STK32B: variants seen among roughly 807,000 people sequenced by gnomAD.
The protein encoded by STK32B is serine/threonine kinase 32B, also known as serine/threonine-protein kinase 32B.
Under a neutral mutation model 52.6 loss-of-function variants are expected in STK32B, and 43 were observed. The ratio of observed to expected loss-of-function variants is 0.82; its 90% confidence interval spans 0.64 to 1.05. STK32B has a LOEUF of 1.05. Among genes scored for constraint, STK32B ranks in the 50% least tolerant of loss-of-function variants. The pLI is 0.00. For synonymous variants in STK32B, 238 were observed against 204.3 expected (o/e 1.17, Z -1.41); for missense variants, 621 against 534.6 (o/e 1.16, Z -1.59).
At position 5,395,748 on chromosome 4, in the gene STK32B, C is replaced by CAAA. The variant is rs1736847215; in HGVS notation, c.435-2458_435-2456dup. On this transcript the variant is annotated intron_variant, in intron 4 of 11. Coordinates refer to ENST00000282908, the MANE Select transcript of STK32B (RefSeq NM_018401.3). This position sits in a 1 kb window ranked among gnomAD's most constrained non-coding sequence, Gnocchi z 4.4. ...TGTATCAGGTATTTAATCCACACAG[C>CAAA]AAAGGAAACTGAAGCAGAGGCAGAG... 6.6e-6 allele frequency among the ~76,000 whole-genome samples: 1 copy of CAAA among 152,194 alleles called. No homozygotes were observed. Among genetic ancestry groups the CAAA allele is most frequent in the Non-Finnish European group, 1.5e-5 (1 of 68,036 alleles).
At chr4:5,416,530 G>A (rs146849675) in intron 5 of STK32B, among the ~76,000 whole-genome samples, 11 of 152,248 alleles carry the variant, frequency 7.2e-5, no homozygotes, top group East Asian at 5.8e-4. Flanking sequence ...GAGAGAAGGC[G>A]TCTGGAGTGA....
intron 2 of STK32B, among the ~76,000 whole-genome samples, chr4:5,157,584 C>T (rs1416249530): frequency 6.6e-6 from 1 of 152,078 alleles, no homozygotes; most frequent in Non-Finnish European, 1.5e-5. Context: ...CATCACAGAC[C>T]AAAAGAGCAC....
chr4:5,134,013 G>A (rs1046480466), intron 1 of STK32B, among the ~76,000 whole-genome samples: 20 of 152,196 alleles, frequency 1.3e-4, no homozygotes, highest in African/African-American at 4.8e-4. Flanking sequence ...TTTCATCCAT[G>A]GCCTGACTCT....
chr4:5,314,488 G>A (rs1465402135), intron 3 of STK32B, among the ~76,000 whole-genome samples: 2 of 152,100 alleles, frequency 1.3e-5, no homozygotes, highest in Non-Finnish European at 2.9e-5. Context: ...TGGGCAACAC[G>A]TTGAAACCCT....
At chr4:5,242,138 T>A (rs1725077355) in intron 3 of STK32B, among the ~76,000 whole-genome samples, 1 of 152,110 alleles carries the variant, frequency 6.6e-6, no homozygotes, top group African/African-American at 2.4e-5. Context: ...TCTAGATCCC[T>A]GAGGAATTGC....
intron 4 of STK32B, among the ~76,000 whole-genome samples, chr4:5,387,804 G>C (rs1417298565): frequency 6.6e-6 from 1 of 152,130 alleles, no homozygotes; most frequent in Non-Finnish European, 1.5e-5. Flanking sequence ...GAGTGCAATG[G>C]CACAACCTTG....
At chr4:5,247,345 G>T (rs1337182422) in intron 3 of STK32B, among the ~76,000 whole-genome samples, 2 of 152,208 alleles carry the variant, frequency 1.3e-5, no homozygotes, top group African/African-American at 4.8e-5. Flanking sequence ...AATGAGCGAG[G>T]CTCCATAGGC....
chr4:5,271,897 A>G lies in STK32B; in HGVS notation c.261-59323A>G, dbSNP rs1259534293. Among the ~76,000 whole-genome samples, 85 of 141,952 alleles carry G rather than the reference A, an allele frequency of 6.0e-4. 1 individual carries two copies. Among genetic ancestry groups the G allele is most frequent in the South Asian group, 1.7e-3 (8 of 4,576 alleles). 93.1% of individuals were successfully genotyped at this position (141,952 alleles called of 152,430 possible). Reference sequence around the variant, plus strand: ...TGAAGTTGCTTATCAGCTTAAGGAGATATTGGGCTGAGACAATGGGGTTTT... The same window carrying G: ...TGAAGTTGCTTATCAGCTTAAGGAGGTATTGGGCTGAGACAATGGGGTTTT... On this transcript the variant is annotated intron_variant, in intron 3 of 11. Coordinates refer to ENST00000282908, the MANE Select transcript of STK32B (RefSeq NM_018401.3).
intron 4 of STK32B, among the ~76,000 whole-genome samples, chr4:5,336,362 A>G (rs190379958): frequency 7.9e-5 from 12 of 152,152 alleles, no homozygotes; most frequent in Admixed American, 4.6e-4. Context: ...TCAGCTCCCA[A>G]TTAAGTTAAT....
At chr4:5,242,538 T>G (rs1163940702) in intron 3 of STK32B, among the ~76,000 whole-genome samples, 1 of 152,214 alleles carries the variant, frequency 6.6e-6, no homozygotes, top group African/African-American at 2.4e-5. Context: ...GCCTGTTCAC[T>G]CTGATGGTGG....
Position 5,292,268 on chromosome 4 carries a change from A to G in STK32B, c.261-38952A>G, listed in dbSNP as rs1179001427. Among the ~76,000 whole-genome samples, 6 of 152,284 alleles carry G rather than the reference A, an allele frequency of 3.9e-5. No individual in the cohort carries two copies. The South Asian group carries it at 1.2e-3, about 32-fold the overall frequency. Reference sequence around the variant, plus strand: ...TAATTTACAACCCCAACAACAATGTATGAATGCTTCCTTTTCTCTGGAACC... The same window carrying G: ...TAATTTACAACCCCAACAACAATGTGTGAATGCTTCCTTTTCTCTGGAACC... On this transcript the variant is annotated intron_variant, in intron 3 of 11. Coordinates refer to ENST00000282908, the MANE Select transcript of STK32B (RefSeq NM_018401.3).
At chr4:5,485,066 C>T (rs929926763) in intron 11 of STK32B, among the ~76,000 whole-genome samples, 4 of 151,742 alleles carry the variant, frequency 2.6e-5, no homozygotes, top group Non-Finnish European at 5.9e-5. Context: ...AGTTATGTGT[C>T]TTGGAGTTGC....
chr4:5,251,308 T>C (rs552032679), intron 3 of STK32B, among the ~76,000 whole-genome samples: 43 of 152,334 alleles, frequency 2.8e-4, no homozygotes, highest in Middle Eastern at 6.8e-3. Context: ...ATGTGGCTGG[T>C]TAGTTATCCC....
intron 4 of STK32B, among the ~76,000 whole-genome samples, chr4:5,382,985 C>T (rs752536917): frequency 1.3e-5 from 2 of 152,168 alleles, no homozygotes; most frequent in Admixed American, 6.5e-5. Flanking sequence ...GGAGGATACT[C>T]ACAGAGAGAT....
intron 1 of STK32B, among the ~76,000 whole-genome samples, chr4:5,077,047 G>A (rs569580825): frequency 5.3e-5 from 8 of 152,216 alleles, no homozygotes; most frequent in Admixed American, 3.3e-4. Flanking sequence ...TTTATGTGGA[G>A]GACTCCAGAT....
intron 6 of STK32B, among the ~76,000 whole-genome samples, chr4:5,440,461 T>C (rs1714617967): frequency 6.6e-6 from 1 of 152,210 alleles, no homozygotes; most frequent in African/African-American, 2.4e-5. Context: ...TTTTGTATCC[T>C]GAGACTTTGC....
intron 11 of STK32B, among the ~76,000 whole-genome samples, chr4:5,472,987 A>C (rs1280493189): frequency 1.3e-5 from 2 of 152,144 alleles, no homozygotes; most frequent in African/African-American, 4.8e-5. Flanking sequence ...GACAATCAAA[A>C]ATGTCTCCAG....
At position 5,400,462 on chromosome 4, in the gene STK32B, C is replaced by T. The variant is rs1228655784; in HGVS notation, c.472+2218C>T. 3.9e-5 allele frequency among the ~76,000 whole-genome samples: 6 copies of T among 152,126 alleles called. No individual in the cohort carries two copies. The highest frequency in any genetic ancestry group is 1.2e-4 in the African/African-American group (5 of 41,398). On this transcript the variant is annotated intron_variant, in intron 5 of 11. Transcript: ENST00000282908. The surrounding 1 kb of genome is among the most constrained non-coding windows in gnomAD (Gnocchi z 6.1). The stretch of plus-strand genomic sequence containing the variant: ...GGCTATGCAGCACCCCACACACTCC[C>T]CAAGTGCCCCTGCATCCAGTCTTCT...
intron 1 of STK32B, among the ~76,000 whole-genome samples, chr4:5,120,565 A>G (rs1404369677): frequency 6.6e-6 from 1 of 152,214 alleles, no homozygotes; most frequent in Non-Finnish European, 1.5e-5. Context: ...ATTCAGTAGT[A>G]TCCAAAGTTT....
Sources: allele counts gnomAD v4.1 joint callset (sites outside exome capture counted in the v4.1 genomes callset), GRCh38; gene constraint gnomAD v4.1.1; non-coding constraint Gnocchi (gnomAD v3.1); transcripts MANE v1.5; gene names NCBI Gene and HGNC (gene_info 2026-07-23, HGNC 2026-07-21).